PCDHA6: variants seen among roughly 807,000 people sequenced by gnomAD.
PCDHA6 encodes protocadherin alpha-6.
A neutral mutation model predicts 60.3 loss-of-function variants in PCDHA6; 55 were observed. The observed-to-expected ratio is 0.91, with a 90% CI of 0.73 to 1.14. The LOEUF is 1.14. Among genes scored for constraint, PCDHA6 ranks in the 50% most tolerant of loss-of-function variants. The pLI, the probability that PCDHA6 is intolerant of heterozygous loss-of-function variation, is 0.00. For synonymous variants in PCDHA6, 652 were observed against 557.9 expected (o/e 1.17, Z -2.38); for missense variants, 1,327 against 1,256.5 (o/e 1.06, Z -0.85).
intron 1 of PCDHA6, chr5:140,848,890 T>A (rs1554142528): frequency 3.1e-6 from 5 of 1,595,934 alleles, no homozygotes; most frequent in Non-Finnish European, 4.3e-6. Context: ...AACCCTCCAG[T>A]GTTCCCAGCG....
chr5:140,851,489 T>A, intron 1 of PCDHA6: 1 of 887,850 alleles, frequency 1.1e-6, no homozygotes, highest in Admixed American at 6.3e-5. Context: ...AACACAGCCT[T>A]CATTTCAACT....
At chr5:140,991,420 A>G (rs1413227137) in intron 3 of PCDHA6, among the ~76,000 whole-genome samples, 2 of 152,234 alleles carry the variant, frequency 1.3e-5, no homozygotes, top group Admixed American at 6.5e-5. Flanking sequence ...GCTATAACAA[A>G]TTAACCATAA....
At chr5:140,924,751 C>T (rs1554202122) in intron 1 of PCDHA6, among the ~76,000 whole-genome samples, 39 of 151,566 alleles carry the variant, frequency 2.6e-4, no homozygotes, top group Non-Finnish European at 5.2e-4. Context: ...AAAAATTAAC[C>T]GAGCATGGTG....
At chr5:140,968,986 A>ATGCTGTGGAGGC (rs782197469) in intron 1 of PCDHA6, 25 of 1,614,206 alleles carry the variant, frequency 1.5e-5, no homozygotes, top group Non-Finnish European at 1.9e-5. Flanking sequence ...ATGGCACTGC[A>ATGCTGTGGAGGC]TGCTGTGGAG....
intron 1 of PCDHA6, among the ~76,000 whole-genome samples, chr5:140,963,268 T>C (rs1329086504): frequency 6.6e-6 from 1 of 152,042 alleles, no homozygotes; most frequent in African/African-American, 2.4e-5. Flanking sequence ...GACTTTGAAA[T>C]GTATGTAAGA....
At chr5:140,927,970 G>C in intron 1 of PCDHA6, 2 of 1,614,216 alleles carry the variant, frequency 1.2e-6, no homozygotes, top group Non-Finnish European at 1.7e-6. Context: ...CACAGTGATT[G>C]CTCTCTTTAG....
chr5:140,999,066 T>G (rs2097845533), intron 3 of PCDHA6, among the ~76,000 whole-genome samples: 1 of 152,214 alleles, frequency 6.6e-6, no homozygotes, highest in Admixed American at 6.5e-5. Flanking sequence ...CTAAGTAGTC[T>G]CCTTCACTTC....
chr5:140,829,365 T>C lies in PCDHA6; in HGVS notation c.1274T>C (p.Val425Ala). The C allele has an allele frequency of 6.2e-7, 1 of 1,614,230 alleles. No homozygotes were observed. The highest frequency in any genetic ancestry group is 8.5e-7 in the Non-Finnish European group (1 of 1,180,050). ...AGCGTGTCGGCCTATGAGTTGGTGG[T>C]AACCGCGCGGGACGGGGGCTCGCCT... ...RESVSAYELVVTARDGGSPSL... is the reference protein window; with the variant it reads ...RESVSAYELVATARDGGSPSL... Residue 425 changes from valine (V) to alanine (A), a missense_variant, in exon 1 of 4, where the codon GTA (valine) becomes GCA (alanine). Transcript: ENST00000529310.
rs2150186603 is a variant in PCDHA6 at position 140,830,447 on chromosome 5, G to C, written c.2356G>C (p.Ala786Pro). 46 of 1,601,744 alleles carry C rather than the reference G, an allele frequency of 2.9e-5. No homozygotes were observed. In the East Asian group the frequency reaches 1.0e-3, roughly 35 times the overall value. The change falls in exon 1 of 4, where the codon GCG becomes CCG. Residue 786 changes from alanine (A) to proline (P), a missense_variant. By Grantham distance (27) the Ala-to-Pro change is conservative. Coordinates refer to ENST00000529310, the MANE Select transcript of PCDHA6 (RefSeq NM_018909.4). ...ACCTTGTCCTATTATGATGGGTAAG[G>C]CGGAGAATCAGGATTTAAATGAAGA... ...LSPCPIMMGK[A>P]ENQDLNEDHD...
chr5:140,870,627 G>C, intron 1 of PCDHA6: 4 of 1,613,028 alleles, frequency 2.5e-6, no homozygotes, highest in Non-Finnish European at 3.4e-6. Context: ...GCTACGTGTC[G>C]GTGCACGCGG....
chr5:140,856,340 A>G (rs1554148561), intron 1 of PCDHA6: 1 of 1,598,438 alleles, frequency 6.3e-7, no homozygotes, highest in Non-Finnish European at 8.6e-7. Flanking sequence ...GTGCGGGCGG[A>G]GCGTGGAGTG....
intron 1 of PCDHA6, among the ~76,000 whole-genome samples, chr5:140,886,289 T>C (rs115070123): frequency 0.081 from 12,299 of 152,020 alleles, 542 homozygotes; most frequent in Middle Eastern, 0.13. Context: ...ATTATTTTTA[T>C]ATTTATTTAT....
intron 1 of PCDHA6, among the ~76,000 whole-genome samples, chr5:140,912,783 A>G (rs1287611610): frequency 6.6e-6 from 1 of 152,166 alleles, no homozygotes; most frequent in African/African-American, 2.4e-5. Context: ...TGTCCCTTCT[A>G]TGCCAATTTT....
rs2150458780 is a variant in PCDHA6 at position 140,849,941 on chromosome 5, T to C, written c.2394+19456T>C. 24 of 1,597,306 alleles carry C rather than the reference T, an allele frequency of 1.5e-5. 4 individuals are homozygous for C. In the Middle Eastern group the frequency reaches 5.4e-4, roughly 36 times the overall value. On this transcript the variant is annotated intron_variant, in intron 1 of 3. Transcript: ENST00000529310. ...TCTTCACGGTGTCTGCGCGGGACGC[T>C]GACGCGCAGGAGAACGCCCTGGTGT...
intron 1 of PCDHA6, among the ~76,000 whole-genome samples, chr5:140,939,071 G>C (rs1376380334): frequency 2.0e-5 from 3 of 152,140 alleles, no homozygotes; most frequent in African/African-American, 7.2e-5. Context: ...TATCAAAATA[G>C]CATAAACTGG....
At chr5:140,853,918 C>T in intron 1 of PCDHA6, 3 of 938,954 alleles carry the variant, frequency 3.2e-6, no homozygotes, top group Non-Finnish European at 3.9e-6. Flanking sequence ...CCTGCAATCC[C>T]AACATTTTGG....
Position 141,010,435 on chromosome 5 carries a change from A to C in PCDHA6, c.*498A>C. 1 of 1,039,068 alleles carries C rather than the reference A, an allele frequency of 9.6e-7. No individual in the cohort carries two copies. The highest frequency in any genetic ancestry group is 1.4e-6 in the Non-Finnish European group (1 of 739,892). The allele number at this position is 1,039,068 out of a possible 1,614,324, so 64.4% of individuals were successfully genotyped here. A position where few individuals can be genotyped will look rare whatever the true frequency, so the allele number is the denominator to read the frequency against. On this transcript the variant is annotated 3_prime_UTR_variant, in exon 4 of 4. Transcript: ENST00000529310. ...TGGTACAAGGAAGGCAAGAAAACAA[A>C]GACAAATAAACAGCGGAAGTTATCA...
Position 140,830,271 on chromosome 5 carries a change from C to A in PCDHA6, c.2180C>A (p.Pro727His), listed in dbSNP as rs2150183888. The A allele has an allele frequency of 2.5e-6, 4 of 1,613,702 alleles. No individual in the cohort carries two copies. The highest frequency in any genetic ancestry group is 2.2e-5 in the East Asian group (1 of 44,878). ...ACAGCGCTGCGGTGCTCGGCGCCACCCACCGAGGGCGCGTGCACGGCGGAC... is the reference window on the plus strand; with the variant it reads ...ACAGCGCTGCGGTGCTCGGCGCCACACACCGAGGGCGCGTGCACGGCGGAC... ...LYTALRCSAP[P>H]TEGACTADKP... The change falls in exon 1 of 4, where the codon CCC becomes CAC. Residue 727 changes from proline to histidine, a missense_variant. Physicochemically the swap from Pro to His is moderately conservative, Grantham distance 77 (BLOSUM62 -2). Coordinates refer to ENST00000529310, the MANE Select transcript of PCDHA6 (RefSeq NM_018909.4).
chr5:140,953,283 G>A (rs1377100708), intron 1 of PCDHA6, among the ~76,000 whole-genome samples: 5 of 152,132 alleles, frequency 3.3e-5, no homozygotes, highest in Non-Finnish European at 7.3e-5. Flanking sequence ...CTCTTTATAT[G>A]TGATTCAGGG....
Sources: allele counts gnomAD v4.1 joint callset (sites outside exome capture counted in the v4.1 genomes callset), GRCh38; gene constraint gnomAD v4.1.1; transcripts MANE v1.5; gene names NCBI Gene and HGNC (gene_info 2026-07-23, HGNC 2026-07-21).